PTPRO: variants seen among roughly 807,000 people sequenced by gnomAD.
The protein encoded by PTPRO is receptor-type tyrosine-protein phosphatase O.
Under a neutral mutation model 145.2 loss-of-function variants are expected in PTPRO, and 62 were observed. The observed-to-expected ratio is 0.43, with a 90% confidence interval of 0.35 to 0.53. The LOEUF (loss-of-function observed/expected upper bound fraction) is 0.53, where lower values mean the gene tolerates loss of function less well. Ranked by LOEUF, PTPRO falls within the 20% of genes least tolerant of loss-of-function variation. The pLI, the probability that PTPRO is intolerant of heterozygous loss-of-function variation, is 0.01. For missense variants in PTPRO, 1,345 were observed against 1,482.7 expected (o/e 0.91, Z 1.53); for synonymous variants, 565 against 514.7 (o/e 1.10, Z -1.32).
intron 1 of PTPRO, among the ~76,000 whole-genome samples, chr12:15,418,382 G>GATGGCC (rs1940042132): frequency 2.0e-5 from 3 of 151,712 alleles, no homozygotes; most frequent in Non-Finnish European, 4.4e-5. Flanking sequence ...TTCAGTGTCT[G>GATGGCC]TTGAGTGAAT....
chr12:15,404,608 G>C (rs1939596997), intron 1 of PTPRO, among the ~76,000 whole-genome samples: 1 of 152,094 alleles, frequency 6.6e-6, no homozygotes, highest in East Asian at 1.9e-4. Context: ...CGGCATGAAG[G>C]CTGTTCAGTG....
intron 12 of PTPRO, among the ~76,000 whole-genome samples, chr12:15,531,687 A>G (rs1446191945): frequency 6.6e-6 from 1 of 152,194 alleles, no homozygotes; most frequent in East Asian, 1.9e-4. Context: ...ACCTTTAGAG[A>G]CAGTATGACC....
At chr12:15,467,203 G>C (rs758574412) in intron 1 of PTPRO, among the ~76,000 whole-genome samples, 4 of 152,114 alleles carry the variant, frequency 2.6e-5, no homozygotes, top group Non-Finnish European at 4.4e-5. Context: ...CTTCATCTCT[G>C]AGTCAATCAC....
intron 18 of PTPRO, among the ~76,000 whole-genome samples, chr12:15,567,098 A>C (rs1943918866): frequency 6.6e-6 from 1 of 152,182 alleles, no homozygotes; most frequent in Non-Finnish European, 1.5e-5. Flanking sequence ...AAGGAGAAGC[A>C]AGACCCAGAC....
chr12:15,417,054 C>T (rs985368665), intron 1 of PTPRO, among the ~76,000 whole-genome samples: 4 of 151,406 alleles, frequency 2.6e-5, no homozygotes, highest in Non-Finnish European at 5.9e-5. Flanking sequence ...AGGATTCTAC[C>T]CTCCCATGAT....
intron 14 of PTPRO, 77 bp from the exon 15 acceptor site, chr12:15,551,474 G>A (rs1943457454): frequency 6.4e-7 from 1 of 1,560,366 alleles, no homozygotes. Context: ...CTTAAGACTA[G>A]ATGAAAAGCA....
At chr12:15,569,652 G>T (rs561358273) in intron 19 of PTPRO, among the ~76,000 whole-genome samples, 154 bp downstream of exon 19, 2 of 152,284 alleles carry the variant, frequency 1.3e-5, no homozygotes, top group Admixed American at 1.3e-4. Context: ...AGCAAGGGTT[G>T]TCAATCCTTG....
intron 14 of PTPRO, among the ~76,000 whole-genome samples, chr12:15,551,346 A>G (rs1266003194): frequency 6.6e-6 from 1 of 152,166 alleles, no homozygotes; most frequent in Non-Finnish European, 1.5e-5. Context: ...ATTCTTCCAG[A>G]CACCTCAATA....
At chr12:15,576,932 T>C (rs995348866) in intron 19 of PTPRO, among the ~76,000 whole-genome samples, 12 of 152,188 alleles carry the variant, frequency 7.9e-5, no homozygotes, top group African/African-American at 2.9e-4. Flanking sequence ...AATGGAAGCA[T>C]CATTTAAATA....
At chr12:15,582,792 T>C (rs1045133172) in intron 23 of PTPRO, among the ~76,000 whole-genome samples, 2 of 152,164 alleles carry the variant, frequency 1.3e-5, no homozygotes, top group South Asian at 4.1e-4. Flanking sequence ...TAATTCCCTA[T>C]CTCTCTTGAA....
chr12:15,595,388 C>T (rs575503904), intron 26 of PTPRO: 8 of 319,572 alleles, frequency 2.5e-5, no homozygotes, highest in South Asian at 2.5e-4. Context: ...CCATCCAAAT[C>T]TATCTAGATA....
intron 1 of PTPRO, among the ~76,000 whole-genome samples, chr12:15,422,435 C>A (rs1326620248): frequency 6.6e-6 from 1 of 152,064 alleles, no homozygotes; most frequent in Non-Finnish European, 1.5e-5. Flanking sequence ...TAAAAATTCT[C>A]CATAATTGAG....
At chr12:15,484,640 C>T (rs1941849666) in intron 2 of PTPRO, among the ~76,000 whole-genome samples, 1 of 151,988 alleles carries the variant, frequency 6.6e-6, no homozygotes, top group Non-Finnish European at 1.5e-5. Context: ...ACTGATACTC[C>T]TATTTAACCT....
At chr12:15,389,442 A>G (rs1939127780) in intron 1 of PTPRO, among the ~76,000 whole-genome samples, 1 of 152,070 alleles carries the variant, frequency 6.6e-6, no homozygotes, top group African/African-American at 2.4e-5. Context: ...GGTAATAAGA[A>G]TTCTCAGAGT....
At chr12:15,591,204 A>C (rs993971254) in intron 25 of PTPRO, among the ~76,000 whole-genome samples, 2 of 151,976 alleles carry the variant, frequency 1.3e-5, no homozygotes, top group Non-Finnish European at 2.9e-5. Context: ...CCCCGTTTCT[A>C]CTAAAAATAT....
chr12:15,392,142 A>G (rs1939204749), intron 1 of PTPRO, among the ~76,000 whole-genome samples: 1 of 152,208 alleles, frequency 6.6e-6, no homozygotes, highest in African/African-American at 2.4e-5. Context: ...CTAGACTGAG[A>G]AAATTTAGTG....
At chr12:15,354,731 A>G (rs1019348572) in intron 1 of PTPRO, among the ~76,000 whole-genome samples, 22 of 152,308 alleles carry the variant, frequency 1.4e-4, no homozygotes, top group African/African-American at 4.6e-4. Context: ...CCGTATATAC[A>G]TGGTCTTTCT....
intron 1 of PTPRO, among the ~76,000 whole-genome samples, chr12:15,414,878 A>G (rs921867242): frequency 2.0e-5 from 3 of 152,192 alleles, no homozygotes; most frequent in African/African-American, 7.2e-5. Context: ...TACCATTCCC[A>G]AATCTGTTCT....
intron 18 of PTPRO, among the ~76,000 whole-genome samples, chr12:15,566,282 A>G (rs1361606930): frequency 3.3e-5 from 5 of 152,136 alleles, no homozygotes; most frequent in Non-Finnish European, 7.3e-5. Context: ...TGTTCTTGAT[A>G]CCTGCCTGGA....
Sources: allele counts gnomAD v4.1 joint callset (sites outside exome capture counted in the v4.1 genomes callset), GRCh38; gene constraint gnomAD v4.1.1; transcripts MANE v1.5; gene names NCBI Gene and HGNC (gene_info 2026-07-23, HGNC 2026-07-21).